Variants in DCDC2 observed in about 807,000 individuals in gnomAD.
The protein encoded by DCDC2 is doublecortin domain-containing protein 2.
DCDC2 carries 40 observed loss-of-function variants against 50.2 expected under a neutral mutation model. That is an observed-to-expected ratio of 0.80 (90% confidence interval 0.62 to 1.04). The LOEUF (loss-of-function observed/expected upper bound fraction) is 1.04, where lower values mean the gene tolerates loss of function less well. Ranked by LOEUF, DCDC2 falls within the 50% of genes least tolerant of loss-of-function variation. The probability of loss-of-function intolerance (pLI) is 0.00; values close to 1 mark genes in which losing one functional copy is unlikely to be tolerated. For missense variants in DCDC2, 570 were observed against 581.9 expected (o/e 0.98, Z 0.21); for synonymous variants, 234 against 210.6 (o/e 1.11, Z -0.96).
At chr6:24,280,266 T>G (rs1245157054) in intron 6 of DCDC2, among the ~76,000 whole-genome samples, 3 of 152,210 alleles carry the variant, frequency 2.0e-5, no homozygotes, top group Non-Finnish European at 4.4e-5. Context: ...GTATGAAAAC[T>G]TGTCCAAATC....
the DCDC2 span, among the ~76,000 whole-genome samples, chr6:24,370,577 G>T: frequency 6.6e-6 from 1 of 152,068 alleles, no homozygotes; most frequent in Admixed American, 6.6e-5. Flanking sequence ...AGGTGTGGTG[G>T]CACGCACCTG....
At chr6:24,353,512 A>AT in intron 2 of DCDC2, 57 bp downstream of exon 2, 1 of 1,104,114 alleles carries the variant, frequency 9.1e-7, no homozygotes, top group Non-Finnish European at 1.4e-6. Flanking sequence ...AAGACACACC[A>AT]TAAGAAACAA....
rs1459408378 is a variant in DCDC2, at chr6:24,173,400, G to C, written c.*1330C>G. ...AATTGTGAATTTTAGAAAAGCACTA[G>C]AAGTTAAAATTTCAAGCTTACAACT... On this transcript the variant is annotated 3_prime_UTR_variant, in exon 10 of 10. Coordinates refer to ENST00000378454, the MANE Select transcript of DCDC2 (RefSeq NM_016356.5). 1 of 152,066 alleles carries C rather than the reference G, an allele frequency of 6.6e-6. No homozygotes were observed. The highest frequency in any genetic ancestry group is 1.5e-5 in the Non-Finnish European group (1 of 67,994). 9.4% of individuals were successfully genotyped at this position (152,066 alleles called of 1,614,324 possible). A position where few individuals can be genotyped will look rare whatever the true frequency, so the allele number is the denominator to read the frequency against.
At chr6:24,320,343 G>A (rs2328818) in intron 2 of DCDC2, among the ~76,000 whole-genome samples, 72,066 of 152,046 alleles carry the variant, frequency 0.47, 19,183 homozygotes, top group Admixed American at 0.59. Flanking sequence ...TTTGTGGGGG[G>A]TGGGGTTTGA....
At chr6:24,344,907 T>C (rs1760227875) in intron 2 of DCDC2, among the ~76,000 whole-genome samples, 1 of 152,034 alleles carries the variant, frequency 6.6e-6, no homozygotes, top group Non-Finnish European at 1.5e-5. Flanking sequence ...TATATCAGAG[T>C]GGTGGGGGAA....
chr6:24,310,363 G>A (rs1310437271), intron 2 of DCDC2, among the ~76,000 whole-genome samples: 1 of 152,002 alleles, frequency 6.6e-6, no homozygotes, highest in Admixed American at 6.6e-5. Context: ...AATCTTCTAT[G>A]GTATCAAAGG....
chr6:24,327,531 G>A lies in DCDC2; in HGVS notation c.349-25487C>T, dbSNP rs1027128780. ...TCTTGTTGCCCAGGCTGGAGTACAAGGGCCCAATCTTGGCTCACTGCAACC... is the reference window on the plus strand; with the variant it reads ...TCTTGTTGCCCAGGCTGGAGTACAAAGGCCCAATCTTGGCTCACTGCAACC... On this transcript the variant is annotated intron_variant, in intron 2 of 9. Transcript: ENST00000378454. Among the ~76,000 whole-genome samples, 79 of 148,886 alleles carry A rather than the reference G, an allele frequency of 5.3e-4. 2 individuals carry two copies. The highest frequency in any genetic ancestry group is 1.8e-3 in the African/African-American group (76 of 41,186).
the DCDC2 span, among the ~76,000 whole-genome samples, chr6:24,381,588 T>C: frequency 6.6e-6 from 1 of 152,182 alleles, no homozygotes; most frequent in African/African-American, 2.4e-5. Context: ...GCGGCACAAT[T>C]TACTCTCTTA....
At chr6:24,176,516 G>T (rs1760917171) in intron 9 of DCDC2, among the ~76,000 whole-genome samples, 1 of 152,028 alleles carries the variant, frequency 6.6e-6, no homozygotes, top group Admixed American at 6.6e-5. Flanking sequence ...AATAAAAATT[G>T]TATGTTTATA....
At chr6:24,376,292 A>C in the DCDC2 span, among the ~76,000 whole-genome samples, 3,749 of 152,280 alleles carry the variant, frequency 0.025, 80 homozygotes, top group African/African-American at 0.05. Flanking sequence ...TGTAAAATGT[A>C]ACATGGAAGA....
chr6:24,251,320 C>T (rs968710358), intron 7 of DCDC2, among the ~76,000 whole-genome samples: 5 of 152,138 alleles, frequency 3.3e-5, no homozygotes, highest in Admixed American at 6.5e-5. Flanking sequence ...ATTTCACTTG[C>T]GGTTTGAGAG....
the DCDC2 span, among the ~76,000 whole-genome samples, chr6:24,380,910 C>T: frequency 6.6e-6 from 1 of 151,966 alleles, no homozygotes; most frequent in Non-Finnish European, 1.5e-5. Context: ...ACAGTGGGAA[C>T]CCATCTCTAC....
At chr6:24,257,385 C>T (rs937946942) in intron 7 of DCDC2, among the ~76,000 whole-genome samples, 1 of 152,042 alleles carries the variant, frequency 6.6e-6, no homozygotes, top group Admixed American at 6.6e-5. Flanking sequence ...AAGCAGGAGT[C>T]CTGGCTCTCA....
intron 8 of DCDC2, among the ~76,000 whole-genome samples, chr6:24,199,646 C>T (rs553409943): frequency 1.3e-5 from 2 of 152,274 alleles, no homozygotes; most frequent in Admixed American, 1.3e-4. Context: ...GGGAACAAAA[C>T]TGGATGGAGA....
chr6:24,292,716 C>A lies in DCDC2; in HGVS notation c.558-1638G>T, dbSNP rs556889508. ...GACGCTATCTCAAAAAACACTTGAC[C>A]AGGGTTTCTGAATACTGGCATTATT... On this transcript the variant is annotated intron_variant, in intron 4 of 9. Coordinates refer to ENST00000378454, the MANE Select transcript of DCDC2 (RefSeq NM_016356.5). Among the ~76,000 whole-genome samples the A allele has an allele frequency of 2.6e-5, 4 of 152,298 alleles. No individual in the cohort carries two copies. In the South Asian group the frequency reaches 8.3e-4, roughly 32 times the overall value.
chr6:24,334,775 C>A (rs1356287697), intron 2 of DCDC2, among the ~76,000 whole-genome samples: 1 of 152,194 alleles, frequency 6.6e-6, no homozygotes, highest in East Asian at 1.9e-4. Flanking sequence ...GTTGCTCCAG[C>A]AACTCTAAAA....
intron 7 of DCDC2, among the ~76,000 whole-genome samples, chr6:24,228,632 T>C (rs1342523537): frequency 1.3e-5 from 2 of 152,230 alleles, no homozygotes; most frequent in African/African-American, 4.8e-5. Context: ...TTATAAGCAT[T>C]TCCAAGTCAT....
At chr6:24,350,823 C>G (rs955049310) in intron 2 of DCDC2, among the ~76,000 whole-genome samples, 1 of 152,142 alleles carries the variant, frequency 6.6e-6, no homozygotes, top group African/African-American at 2.4e-5. Flanking sequence ...AATCTTTTCT[C>G]AACACATTAA....
chr6:24,295,978 T>G (rs57694040), intron 4 of DCDC2, among the ~76,000 whole-genome samples: 5,702 of 152,234 alleles, frequency 0.037, 319 homozygotes, highest in African/African-American at 0.13. Context: ...AAAACTATTT[T>G]AAAATTTAAA....
Sources: gnomAD v4.1 joint callset for allele counts (sites outside exome capture counted in the v4.1 genomes callset) on GRCh38, gnomAD v4.1.1 for gene constraint, MANE v1.5 for transcripts, NCBI Gene and HGNC (gene_info 2026-07-23, HGNC 2026-07-21) for gene names.